Variants in SLC33A2 observed in about 807,000 individuals in gnomAD.
SLC33A2 encodes the protein major facilitator superfamily domain containing 3.
At chr8:144,509,378 G>A in the SLC33A2 span, 11 of 1,520,628 alleles carry the variant, frequency 7.2e-6, no homozygotes, top group East Asian at 2.5e-5. Flanking sequence ...ACCTGGTGCA[G>A]GGCCTGCCCT....
the SLC33A2 span, chr8:144,509,367 T>C: frequency 6.7e-7 from 1 of 1,495,240 alleles, no homozygotes; most frequent in Non-Finnish European, 8.9e-7. Flanking sequence ...GGCCGGCCTC[T>C]ACCTGGTGCA....
chr8:144,509,627 C>T, the SLC33A2 span: 22 of 1,568,502 alleles, frequency 1.4e-5, no homozygotes, highest in Admixed American at 7.2e-5. Flanking sequence ...CCGGGCTGCC[C>T]GCCGCTGTGG....
At chr8:144,510,495 T>C in the SLC33A2 span, 3 of 1,612,692 alleles carry the variant, frequency 1.9e-6, no homozygotes, top group South Asian at 1.1e-5. Flanking sequence ...GGGACCTTGC[T>C]GGCCAAGCAC....
the SLC33A2 span, chr8:144,509,844 G>A: frequency 6.5e-7 from 1 of 1,537,888 alleles, no homozygotes; most frequent in Non-Finnish European, 8.7e-7. Context: ...TCTGCTCCTG[G>A]CTGCCACCTA....
At chr8:144,510,274 G>A in the SLC33A2 span, 1 of 1,571,440 alleles carries the variant, frequency 6.4e-7, no homozygotes. Flanking sequence ...GAGGAGAGCA[G>A]GGCAGGACTG....
chr8:144,510,517 C>A, the SLC33A2 span: 1 of 1,612,426 alleles, frequency 6.2e-7, no homozygotes, highest in Non-Finnish European at 8.5e-7. Flanking sequence ...GGTGAGCCCT[C>A]CCCAGTGTAC....
chr8:144,509,508 C>A, the SLC33A2 span: 1 of 1,531,104 alleles, frequency 6.5e-7, no homozygotes, highest in Non-Finnish European at 8.7e-7. Flanking sequence ...TTGGGCCCCG[C>A]TGGTGGACGC....
At chr8:144,509,679 G>A in the SLC33A2 span, 6 of 1,559,248 alleles carry the variant, frequency 3.8e-6, no homozygotes, top group Non-Finnish European at 5.2e-6. Context: ...CGCCATGCAG[G>A]ATGTGGCCCT....
chr8:144,509,476 C>T, the SLC33A2 span: 7 of 1,535,806 alleles, frequency 4.6e-6, no homozygotes, highest in African/African-American at 2.8e-5. Context: ...GTTCTGTACG[C>T]TCCGTGGCTG....
At chr8:144,511,071 T>C in the SLC33A2 span, 1 of 1,608,116 alleles carries the variant, frequency 6.2e-7, no homozygotes, top group Non-Finnish European at 8.5e-7. Flanking sequence ...GCCTGGCTGA[T>C]GGGTTGGGGC....
At chr8:144,510,134 G>C in the SLC33A2 span, 1 of 1,351,718 alleles carries the variant, frequency 7.4e-7, no homozygotes, top group Non-Finnish European at 1.0e-6. Flanking sequence ...TGACCTGCAA[G>C]ACTTGGCCCT....
At chr8:144,510,815 G>A in the SLC33A2 span, 92 of 1,611,354 alleles carry the variant, frequency 5.7e-5, no homozygotes, top group Non-Finnish European at 7.6e-5. Context: ...CTGAGCCTAT[G>A]TCTGCAGCAC....
the SLC33A2 span, chr8:144,509,724 G>T: frequency 6.4e-7 from 1 of 1,568,304 alleles, no homozygotes; most frequent in Non-Finnish European, 8.6e-7. Flanking sequence ...GGAGCCGGCC[G>T]AACTGGGGCC....
At chr8:144,510,711 C>T in the SLC33A2 span, 1 of 1,580,252 alleles carries the variant, frequency 6.3e-7, no homozygotes, top group South Asian at 1.1e-5. Context: ...GACGCTGGCA[C>T]AATCTTGAGA....
At chr8:144,510,854 C>T in the SLC33A2 span, 1 of 1,610,312 alleles carries the variant, frequency 6.2e-7, no homozygotes, top group South Asian at 1.1e-5. Context: ...ACCACAGTCA[C>T]CTTCACTGGG....
chr8:144,509,281 CG>C, the SLC33A2 span: 1 of 1,415,636 alleles, frequency 7.1e-7, no homozygotes, highest in African/African-American at 1.5e-5. Flanking sequence ...CCTCGCCTTG[CG>C]GGACCCCACC....
At chr8:144,509,355 C>T in the SLC33A2 span, 6 of 1,474,226 alleles carry the variant, frequency 4.1e-6, no homozygotes, top group Non-Finnish European at 5.4e-6. Flanking sequence ...GTTGCTGCCG[C>T]TGGCCGGCCT....
At chr8:144,509,607 G>A in the SLC33A2 span, 1 of 1,551,168 alleles carries the variant, frequency 6.4e-7, no homozygotes, top group Non-Finnish European at 8.7e-7. Flanking sequence ...CCCTCCTGGA[G>A]CTGGCCAGGC....
chr8:144,509,932 C>T, the SLC33A2 span: 1 of 1,585,480 alleles, frequency 6.3e-7, no homozygotes, highest in Non-Finnish European at 8.5e-7. Context: ...GAGCAGCGTC[C>T]CCACACCGCG....
Sources: allele counts gnomAD v4.1 joint callset, GRCh38; gene constraint gnomAD v4.1.1; transcripts MANE v1.5; gene names NCBI Gene and HGNC (gene_info 2026-07-23, HGNC 2026-07-21).